The following NOX5 variants were observed in gnomAD, a reference collection of about 807,000 sequenced individuals.
NOX5 encodes the protein NADPH oxidase, EF-hand calcium binding domain 5.
NOX5 carries 76 observed loss-of-function variants against 85.7 expected under a neutral mutation model. That is an observed-to-expected ratio of 0.89 (90% CI 0.74 to 1.07). The LOEUF is 1.07. Among genes scored for constraint, NOX5 ranks in the 50% least tolerant of loss-of-function variants. The pLI is 0.00. For missense variants in NOX5, 973 were observed against 999.5 expected (o/e 0.97, Z 0.36); for synonymous variants, 405 against 401.4 (o/e 1.01, Z -0.11).
At position 69,061,768 on chromosome 15, in the gene NOX5, G is replaced by A. The variant is rs573407781; in HGVS notation, c.*5072G>A. The A allele has an allele frequency of 5.1e-4, 78 of 152,250 alleles. No homozygotes were observed. Among genetic ancestry groups the A allele is most frequent in the African/African-American group, 1.8e-3 (76 of 41,532 alleles). The allele number at this position is 152,250 out of a possible 1,614,324, so 9.4% of individuals were successfully genotyped here. A position where few individuals can be genotyped will look rare whatever the true frequency, so the allele number is the denominator to read the frequency against. ...CCTAATACTACTCAGGGACAAATGG[G>A]CCCTCTTAAACTACCCTAGCTGTGT... On this transcript the variant is annotated 3_prime_UTR_variant, in exon 16 of 16. Transcript: ENST00000388866.
At chr15:69,032,997 C>T in intron 4 of NOX5, 46 bp from the exon 5 acceptor site, 8 of 1,522,178 alleles carry the variant, frequency 5.3e-6, no homozygotes, top group Non-Finnish European at 6.9e-6. Context: ...CACAGGTGGT[C>T]CCCGCCCCAC....
chr15:69,057,326 TG>T lies in NOX5; in HGVS notation c.*631del, dbSNP rs2050825269. On this transcript the variant is annotated 3_prime_UTR_variant, in exon 16 of 16. Coordinates refer to ENST00000388866, the MANE Select transcript of NOX5 (RefSeq NM_024505.4). ...GCTACTTGGAGGAGCCTTCTTCAAA[TG>T]CACATTCCTTGGTCCCACTACCAGA... 1 of 152,240 alleles carries T rather than the reference TG, an allele frequency of 6.6e-6. No individual in the cohort carries two copies. The highest frequency in any genetic ancestry group is 1.5e-5 in the Non-Finnish European group (1 of 68,064). 9.4% of individuals were successfully genotyped at this position (152,240 alleles called of 1,614,324 possible).
intron 6 of NOX5, 115 bp downstream of exon 6, chr15:69,035,622 C>T: frequency 6.4e-7 from 1 of 1,551,752 alleles, no homozygotes; most frequent in Non-Finnish European, 8.7e-7. Flanking sequence ...AAGGGGTGCC[C>T]TGGATAAGCC....
rs140577590 is a variant in NOX5 at position 69,032,755 on chromosome 15, A to T, written c.621-288A>T. ...TCTTGGGGCTTACTTACCAAAACAT[A>T]TTTCAGATTCTTCCATCCTTTTCGA... On this transcript the variant is annotated intron_variant, in intron 4 of 15. Coordinates refer to ENST00000388866, the MANE Select transcript of NOX5 (RefSeq NM_024505.4). Among the ~76,000 whole-genome samples the T allele has an allele frequency of 5.8e-3, 877 of 152,246 alleles. 3 individuals carry two copies. Among genetic ancestry groups the T allele is most frequent in the Non-Finnish European group, 0.01 (701 of 68,016 alleles).
chr15:69,056,838 G>T lies in NOX5; in HGVS notation c.*142G>T. The stretch of plus-strand genomic sequence containing the variant: ...GGACCCCCTAATCCTGCTCAACAGA[G>T]AGAACAGGAGACCCCAAGGGGCAGA... On this transcript the variant is annotated 3_prime_UTR_variant, in exon 16 of 16. Coordinates refer to ENST00000388866, the MANE Select transcript of NOX5 (RefSeq NM_024505.4). 1 of 1,012,260 alleles carries T rather than the reference G, an allele frequency of 9.9e-7. No individual in the cohort carries two copies. The allele number at this position is 1,012,260 out of a possible 1,614,324, so 62.7% of individuals were successfully genotyped here.
chr15:69,018,823 G>T (rs917955480), intron 1 of NOX5, among the ~76,000 whole-genome samples: 1 of 152,080 alleles, frequency 6.6e-6, no homozygotes, highest in African/African-American at 2.4e-5. Flanking sequence ...AAAGGTCAGG[G>T]GATGGAGAGG....
rs1405082979 is a variant in NOX5, at chr15:69,037,033, C to T, written c.1194C>T (p.Phe398=). 6.2e-7 allele frequency: 1 copy of T among 1,608,238 alleles called. No homozygotes were observed. Among genetic ancestry groups the T allele is most frequent in the Non-Finnish European group, 8.5e-7 (1 of 1,176,974 alleles). ...CIRRSGHFEV[F]YWTHLSYLLV... ...TGCCCCCCCTACCCCCATAGGTGTT[C>T]TATTGGACTCACCTGTCCTACCTCC... The change falls in exon 8 of 16, where the codon TTC becomes TTT. Residue 398 remains phenylalanine, a synonymous_variant. Transcript: ENST00000388866.
Position 69,026,643 on chromosome 15 carries a change from G to T in NOX5, c.166G>T (p.Val56Leu). 6.2e-7 allele frequency: 1 copy of T among 1,614,072 alleles called. No homozygotes were observed. The highest frequency in any genetic ancestry group is 8.5e-7 in the Non-Finnish European group (1 of 1,179,940). Residue 56 changes from valine (V) to leucine (L), a missense_variant, in exon 2 of 16, where the codon GTG becomes TTG. Transcript: ENST00000388866. ...GCAAGAATTCAAAGCAGCTCTGCAT[G>T]TGAAAGAGGCAAGTGTTGGGCCAAG... ...SLQEFKAALH[V>L]KESFFAERFF...
At chr15:69,018,147 A>T (rs1268028961) in intron 1 of NOX5, among the ~76,000 whole-genome samples, 1 of 151,982 alleles carries the variant, frequency 6.6e-6, no homozygotes, top group East Asian at 1.9e-4. Flanking sequence ...TTGCTCAGGC[A>T]TCCTAGGGAA....
rs1442887929 is a variant in NOX5 at position 69,033,297 on chromosome 15, G to A, written c.855+20G>A. Reference sequence around the variant, plus strand: ...ATCGCGGTAGGCTCTGCCAGCACACGGTGCTCTGAAAATGTTAATTAGGAG... The same window carrying A: ...ATCGCGGTAGGCTCTGCCAGCACACAGTGCTCTGAAAATGTTAATTAGGAG... On this transcript the variant is annotated intron_variant, in intron 5 of 15. Transcript: ENST00000388866. The A allele has an allele frequency of 3.1e-6, 5 of 1,587,548 alleles. No individual in the cohort carries two copies. Among genetic ancestry groups the A allele is most frequent in the South Asian group, 2.3e-5 (2 of 88,298 alleles).
Position 69,014,764 on chromosome 15 carries a change from C to T in NOX5, c.29C>T (p.Thr10Met), listed in dbSNP as rs995095561. Residue 10 changes from threonine to methionine, a missense_variant, in exon 1 of 16, where the codon ACG becomes ATG. Transcript: ENST00000388866. Reference sequence around the variant, plus strand: ...AACACATCTGGAGACCCAGCCCAGACGGGCCCTGAAGGCTGTAGAGGGTGA... The same window carrying T: ...AACACATCTGGAGACCCAGCCCAGATGGGCCCTGAAGGCTGTAGAGGGTGA... MNTSGDPAQTGPEGCRGTMS... is the reference protein window; with the variant it reads MNTSGDPAQMGPEGCRGTMS... 4.8e-5 allele frequency: 74 copies of T among 1,550,352 alleles called. No individual in the cohort carries two copies. Among genetic ancestry groups the T allele is most frequent in the African/African-American group, 3.8e-4 (28 of 73,156 alleles).
intron 2 of NOX5, among the ~76,000 whole-genome samples, chr15:69,027,818 A>C (rs1370185572): frequency 6.6e-6 from 1 of 152,038 alleles, no homozygotes; most frequent in African/African-American, 2.4e-5. Context: ...CCTTGCGCTC[A>C]CCCCAAGTGG....
chr15:69,040,206 G>A (rs919900168), intron 9 of NOX5, among the ~76,000 whole-genome samples: 4 of 152,212 alleles, frequency 2.6e-5, no homozygotes, highest in African/African-American at 4.8e-5. Flanking sequence ...AATGTACCAC[G>A]GAACAAAGTT....
intron 9 of NOX5, among the ~76,000 whole-genome samples, chr15:69,040,844 A>T (rs2050585104): frequency 6.6e-6 from 1 of 151,788 alleles, no homozygotes; most frequent in Admixed American, 6.6e-5. Flanking sequence ...TGCATGGCTA[A>T]TTTTTTTGTA....
intron 12 of NOX5, 28 bp downstream of exon 12, chr15:69,047,565 A>G (rs2050691508): frequency 1.9e-6 from 3 of 1,603,868 alleles, no homozygotes; most frequent in Non-Finnish European, 1.7e-6. Flanking sequence ...TCCTGCCTGC[A>G]TCCTGGGTCA....
chr15:69,031,238 T>C (rs1452435818), intron 3 of NOX5: 6 of 497,250 alleles, frequency 1.2e-5, no homozygotes, highest in East Asian at 9.5e-5. Context: ...CCGCCCCTTA[T>C]AGATTAAGTA....
chr15:69,044,947 A>G (rs2050643197), intron 10 of NOX5, among the ~76,000 whole-genome samples: 2 of 152,252 alleles, frequency 1.3e-5, no homozygotes, highest in South Asian at 4.1e-4. Context: ...CTGACGTCCT[A>G]TAGGCCCAAG....
At chr15:69,029,171 CAA>C (rs1394702983) in intron 3 of NOX5, 10 of 152,184 alleles carry the variant, frequency 6.6e-5, no homozygotes, top group Non-Finnish European at 1.3e-4. Context: ...TAGTCCCTGG[CAA>C]CCACCATTCT....
chr15:69,031,890 G>A (rs1292605520), intron 4 of NOX5, 78 bp downstream of exon 4: 4 of 1,438,504 alleles, frequency 2.8e-6, no homozygotes, highest in Non-Finnish European at 2.8e-6. Flanking sequence ...GGAACTCACC[G>A]CGGATCCACT....
Sources: allele counts gnomAD v4.1 joint callset (sites outside exome capture counted in the v4.1 genomes callset), GRCh38; gene constraint gnomAD v4.1.1; transcripts MANE v1.5; gene names NCBI Gene and HGNC (gene_info 2026-07-23, HGNC 2026-07-21).